ABHD5: variants seen among roughly 807,000 people sequenced by gnomAD.
The protein encoded by ABHD5 is 1-acylglycerol-3-phosphate O-acyltransferase ABHD5.
Under a neutral mutation model 44.9 loss-of-function variants are expected in ABHD5, and 30 were observed. The observed-to-expected ratio is 0.67, with a 90% CI of 0.50 to 0.91. ABHD5 has a LOEUF of 0.91. ABHD5 is among the 40% of genes least tolerant of loss of function. The probability of loss-of-function intolerance (pLI) is 0.00; values close to 1 mark genes in which losing one functional copy is unlikely to be tolerated. For synonymous variants in ABHD5, 167 were observed against 147.0 expected (o/e 1.14, Z -0.99); for missense variants, 399 against 423.4 (o/e 0.94, Z 0.50).
chr3:43,702,715 C>T lies in ABHD5; in HGVS notation c.506+128C>T, dbSNP rs903318095. The T allele has an allele frequency of 5.0e-5, 64 of 1,273,676 alleles. 2 individuals carry two copies. The South Asian group carries it at 7.5e-4, about 15-fold the overall frequency. The allele number at this position is 1,273,676 out of a possible 1,614,324, so 78.9% of individuals were successfully genotyped here. On this transcript the variant is annotated intron_variant, in intron 3 of 6. Transcript: ENST00000644371. Reference sequence around the variant, plus strand: ...CATTCTCTTAAAGGACCCTATAGACCACACCACAACTGATGACCAATATAG... The same window carrying T: ...CATTCTCTTAAAGGACCCTATAGACTACACCACAACTGATGACCAATATAG...
chr3:43,717,192 C>CAA (rs373935327), intron 5 of ABHD5, among the ~76,000 whole-genome samples: 1 of 123,688 alleles, frequency 8.1e-6, no homozygotes, highest in Non-Finnish European at 1.7e-5. Flanking sequence ...ACAAAAAAAA[C>CAA]AAAAAAAAAA....
rs976936445 is a variant in ABHD5 at position 43,698,158 on chromosome 3, T to G, written c.48-1118T>G. ...CCTCTCACACCTATTCTTACTCTTGTGTTGTCTGTCATTATAGTGGTAACC... is the reference window on the plus strand; with the variant it reads ...CCTCTCACACCTATTCTTACTCTTGGGTTGTCTGTCATTATAGTGGTAACC... On this transcript the variant is annotated intron_variant, in intron 1 of 6. Coordinates refer to ENST00000644371, the MANE Select transcript of ABHD5 (RefSeq NM_016006.6). 5.3e-5 allele frequency among the ~76,000 whole-genome samples: 8 copies of G among 152,336 alleles called. No individual in the cohort carries two copies. In the East Asian group the frequency reaches 5.8e-4, roughly 11 times the overall value.
chr3:43,710,074 G>T (rs992677999), intron 3 of ABHD5, among the ~76,000 whole-genome samples: 1 of 151,908 alleles, frequency 6.6e-6, no homozygotes, highest in Non-Finnish European at 1.5e-5. Flanking sequence ...GAATTTAGGA[G>T]GTGGTCAAAA....
At chr3:43,702,875 T>TTTA (rs142265880) in intron 3 of ABHD5, among the ~76,000 whole-genome samples, 1 of 152,098 alleles carries the variant, frequency 6.6e-6, no homozygotes, top group Admixed American at 6.6e-5. Context: ...GTAAAAATTA[T>TTTA]TTATTATTAT....
At chr3:43,702,738 T>C (rs1001481702) in intron 3 of ABHD5, 151 bp downstream of exon 3, 2 of 1,048,976 alleles carry the variant, frequency 1.9e-6, no homozygotes, top group African/African-American at 3.1e-5. Context: ...ATGACCAATA[T>C]AGTAGCTGAA....
chr3:43,707,239 G>C (rs1161921997), intron 3 of ABHD5, among the ~76,000 whole-genome samples: 1 of 152,176 alleles, frequency 6.6e-6, no homozygotes, highest in African/African-American at 2.4e-5. Context: ...AACTTAGAAA[G>C]TGTTTAGCAA....
At chr3:43,691,076 G>C in intron 1 of ABHD5, 37 bp downstream of exon 1, 2 of 1,514,716 alleles carry the variant, frequency 1.3e-6, no homozygotes, top group Non-Finnish European at 1.8e-6. Flanking sequence ...TGTGTCTCCG[G>C]CGCGCACCCT....
At chr3:43,691,237 C>A in intron 1 of ABHD5, 198 bp downstream of exon 1, 1 of 452,852 alleles carries the variant, frequency 2.2e-6, no homozygotes, top group Non-Finnish European at 3.6e-6. Flanking sequence ...AGGCTCCCCT[C>A]AGCGTCGGGG....
At chr3:43,696,732 A>G (rs990773139) in intron 1 of ABHD5, among the ~76,000 whole-genome samples, 1 of 152,244 alleles carries the variant, frequency 6.6e-6, no homozygotes, top group Non-Finnish European at 1.5e-5. Flanking sequence ...GAGTGTCTCA[A>G]AGAAGCAGAG....
At chr3:43,692,166 C>G (rs2084401729) in intron 1 of ABHD5, among the ~76,000 whole-genome samples, 1 of 152,020 alleles carries the variant, frequency 6.6e-6, no homozygotes, top group South Asian at 2.1e-4. Context: ...GGAAACATAA[C>G]CTAAATGATA....
chr3:43,700,341 T>C (rs1048406579), intron 2 of ABHD5, among the ~76,000 whole-genome samples: 1 of 152,228 alleles, frequency 6.6e-6, no homozygotes, highest in African/African-American at 2.4e-5. Flanking sequence ...GGTGTAGTTC[T>C]AAGTAGTGGT....
upstream of ABHD5, chr3:43,690,881 G>C (rs766649239): frequency 1.7e-6 from 2 of 1,210,418 alleles, no homozygotes; most frequent in Non-Finnish European, 2.2e-6. Flanking sequence ...GTGCGCGGAA[G>C]ACGCATGCGC....
At chr3:43,724,015 G>A (rs2084861817), downstream of ABHD5, among the ~76,000 whole-genome samples, 1 of 152,176 alleles carries the variant, frequency 6.6e-6, no homozygotes, top group African/African-American at 2.4e-5. Flanking sequence ...TACTCCAGGA[G>A]AAAAAGTCAG....
At chr3:43,714,604 G>C (rs920839155) in intron 4 of ABHD5, among the ~76,000 whole-genome samples, 3 of 152,132 alleles carry the variant, frequency 2.0e-5, no homozygotes, top group Non-Finnish European at 4.4e-5. Context: ...AGAAATACAA[G>C]TTATTACATT....
downstream of ABHD5, among the ~76,000 whole-genome samples, chr3:43,723,743 A>G (rs2084859238): frequency 6.6e-6 from 1 of 151,930 alleles, no homozygotes; most frequent in Non-Finnish European, 1.5e-5. Flanking sequence ...AACAAATTGA[A>G]GCTGCAAAAT....
At chr3:43,712,011 C>A in intron 4 of ABHD5, 148 bp downstream of exon 4, 1 of 1,016,768 alleles carries the variant, frequency 9.8e-7, no homozygotes, top group Non-Finnish European at 1.5e-6. Context: ...CCATGTCTTG[C>A]ACAAAGACGA....
intron 1 of ABHD5, among the ~76,000 whole-genome samples, chr3:43,698,402 A>G (rs952860887): frequency 6.6e-6 from 1 of 152,102 alleles, no homozygotes; most frequent in African/African-American, 2.4e-5. Flanking sequence ...TTCTCATTTT[A>G]AATAATACCA....
intron 2 of ABHD5, among the ~76,000 whole-genome samples, chr3:43,701,356 C>G (rs1171688987): frequency 1.3e-5 from 2 of 152,120 alleles, no homozygotes; most frequent in Non-Finnish European, 2.9e-5. Flanking sequence ...GATATTATTT[C>G]TTTGGTTAAA....
rs2084811354 is a variant in ABHD5, at chr3:43,719,771, AT to A, written c.*1240del. 2 of 152,230 alleles carry A rather than the reference AT, an allele frequency of 1.3e-5. No homozygotes were observed. The highest frequency in any genetic ancestry group is 4.8e-5 in the African/African-American group (2 of 41,474). The allele number at this position is 152,230 out of a possible 1,614,324, so 9.4% of individuals were successfully genotyped here. ...GCTGAGAAAACCCTTCACCAAAAAAATAAATAAAAATTGAATAGGATTGTCA... is the reference window on the plus strand; with the variant it reads ...GCTGAGAAAACCCTTCACCAAAAAAAAAATAAAAATTGAATAGGATTGTCA... On this transcript the variant is annotated 3_prime_UTR_variant, in exon 7 of 7. Transcript: ENST00000644371.
Sources: gnomAD v4.1 joint callset for allele counts (sites outside exome capture counted in the v4.1 genomes callset) on GRCh38, gnomAD v4.1.1 for gene constraint, MANE v1.5 for transcripts, NCBI Gene and HGNC (gene_info 2026-07-23, HGNC 2026-07-21) for gene names.